Variants in NTS observed in about 807,000 individuals in gnomAD.
NTS encodes the protein neurotensin, also known as neurotensin/neuromedin N.
In NTS, 20 loss-of-function variants were observed where a neutral mutation model predicts 19.5. That is an observed-to-expected ratio of 1.02 (90% CI 0.72 to 1.49). NTS has a LOEUF of 1.49. Among genes scored for constraint, NTS ranks in the 40% most tolerant of loss-of-function variants. The pLI is 0.00. For missense variants in NTS, 215 were observed against 193.1 expected, an observed-to-expected ratio of 1.11 and a Z score of -0.67; for synonymous variants, 71 against 63.3, an observed-to-expected ratio of 1.12 and a Z score of -0.58.
intron 1 of NTS, among the ~76,000 whole-genome samples, chr12:85,875,793 A>T (rs1401471282): frequency 6.6e-6 from 1 of 152,016 alleles, no homozygotes; most frequent in African/African-American, 2.4e-5. Context: ...GATCTCTTGT[A>T]TAATTTAGGT....
chr12:85,882,847 T>G lies in NTS; in HGVS notation c.*472T>G, dbSNP rs1422761818. The G allele has an allele frequency of 1.3e-5, 2 of 152,084 alleles. No individual in the cohort carries two copies. Among genetic ancestry groups the G allele is most frequent in the African/African-American group, 4.8e-5 (2 of 41,444 alleles). 9.4% of individuals were successfully genotyped at this position (152,084 alleles called of 1,614,324 possible). Reference sequence around the variant, plus strand: ...ATGAATCTCTCAATTATAGGAAAAGTTATTGTGATAAAATAGGAACAGCTG... The same window carrying G: ...ATGAATCTCTCAATTATAGGAAAAGGTATTGTGATAAAATAGGAACAGCTG... On this transcript the variant is annotated 3_prime_UTR_variant, in exon 4 of 4. Coordinates refer to ENST00000256010, the MANE Select transcript of NTS (RefSeq NM_006183.5).
At chr12:85,881,044 A>T (rs1477367205) in intron 3 of NTS, among the ~76,000 whole-genome samples, 1 of 152,172 alleles carries the variant, frequency 6.6e-6, no homozygotes, top group Non-Finnish European at 1.5e-5. Context: ...TTATCCAAAA[A>T]AACCTCAGTA....
chr12:85,881,148 G>C (rs1054750524), intron 3 of NTS, among the ~76,000 whole-genome samples: 1 of 151,938 alleles, frequency 6.6e-6, no homozygotes, highest in Non-Finnish European at 1.5e-5. Flanking sequence ...GATAATTTCT[G>C]AGCATAGTAC....
chr12:85,875,593 G>T (rs1458216009), intron 1 of NTS, among the ~76,000 whole-genome samples: 2 of 151,852 alleles, frequency 1.3e-5, no homozygotes, highest in Admixed American at 6.6e-5. Flanking sequence ...CTATAATTAT[G>T]ATTTTATCTG....
rs1565770745 is a variant in NTS at position 85,879,264 on chromosome 12, G to GTACGTAAAATATATTTATATA, written c.360+697_360+698insCGTAAAATATATTTATATATA. On this transcript the variant is annotated intron_variant, in intron 3 of 3. Coordinates refer to ENST00000256010, the MANE Select transcript of NTS (RefSeq NM_006183.5). ...TAAAATATATTATACATAATTTTATGTATATTTTATGTATATACCATATAT... is the reference window on the plus strand; with the variant it reads ...TAAAATATATTATACATAATTTTATGTACGTAAAATATATTTATATATATATTTTATGTATATACCATATAT... Among the ~76,000 whole-genome samples the GTACGTAAAATATATTTATATA allele has an allele frequency of 2.9e-3, 11 of 3,844 alleles. 5 individuals are homozygous for GTACGTAAAATATATTTATATA. Among genetic ancestry groups the GTACGTAAAATATATTTATATA allele is most frequent in the South Asian group, 0.02 (2 of 102 alleles). 2.5% of individuals were successfully genotyped at this position (3,844 alleles called of 152,430 possible). A position where few individuals can be genotyped will look rare whatever the true frequency, so the allele number is the denominator to read the frequency against.
At chr12:85,877,780 C>T (rs961726216) in intron 2 of NTS, among the ~76,000 whole-genome samples, 6 of 151,926 alleles carry the variant, frequency 3.9e-5, no homozygotes, top group South Asian at 2.1e-4. Context: ...GTTAATAGTC[C>T]GTGTTAGAAA....
chr12:85,874,382 TG>T lies in NTS; in HGVS notation c.-20del. The T allele has an allele frequency of 1.9e-6, 3 of 1,600,450 alleles. No individual in the cohort carries two copies. The highest frequency in any genetic ancestry group is 2.6e-6 in the Non-Finnish European group (3 of 1,167,670). On this transcript the variant is annotated 5_prime_UTR_variant, in exon 1 of 4. Coordinates refer to ENST00000256010, the MANE Select transcript of NTS (RefSeq NM_006183.5). Reference sequence around the variant, plus strand: ...AGTGTGCTTCTGACTTTTACGGACTTGGCTTGTTAGAAGGCTGAAAGATGAT... The same window carrying T: ...AGTGTGCTTCTGACTTTTACGGACTTGCTTGTTAGAAGGCTGAAAGATGAT...
intron 3 of NTS, among the ~76,000 whole-genome samples, chr12:85,880,680 C>T (rs1020104825): frequency 2.8e-4 from 43 of 152,148 alleles, no homozygotes; most frequent in Non-Finnish European, 8.8e-5. Context: ...TGGCCAGGCA[C>T]GGTGGCTCAC....
intron 3 of NTS, among the ~76,000 whole-genome samples, chr12:85,879,034 ATTTTTAT>A (rs1881413144): frequency 7.1e-6 from 1 of 140,226 alleles, no homozygotes; most frequent in Non-Finnish European, 1.6e-5. Flanking sequence ...ATAAAAATAT[ATTTTTAT>A]GTACATAAAA....
intron 1 of NTS, among the ~76,000 whole-genome samples, chr12:85,875,498 A>G (rs970639722): frequency 1.3e-5 from 2 of 152,148 alleles, no homozygotes; most frequent in Non-Finnish European, 2.9e-5. Context: ...AATGTGATTT[A>G]TACAAAATTT....
intron 3 of NTS, among the ~76,000 whole-genome samples, chr12:85,879,185 T>TTTA (rs1881422919): frequency 1.6e-3 from 1 of 644 alleles, no homozygotes; most frequent in East Asian, 0.17. Context: ...GTAAAATATA[T>TTTA]TTTTATGTAT....
chr12:85,879,174 C>T (rs972479110), intron 3 of NTS, among the ~76,000 whole-genome samples: 11 of 127,024 alleles, frequency 8.7e-5, no homozygotes, highest in African/African-American at 2.0e-4. Flanking sequence ...ATTTTATGTA[C>T]GTAAAATATA....
At chr12:85,878,248 AT>A in intron 2 of NTS, 96 bp from the exon 3 acceptor site, 1 of 824,376 alleles carries the variant, frequency 1.2e-6, no homozygotes, top group Non-Finnish European at 1.9e-6. Context: ...TGGAGTAGCA[AT>A]TAGACCCTAA....
At position 85,878,377 on chromosome 12, in the gene NTS, G is replaced by T. The variant is rs960866607; in HGVS notation, c.168G>T (p.Met56Ile). 1 of 1,609,862 alleles carries T rather than the reference G, an allele frequency of 6.2e-7. No individual in the cohort carries two copies. The highest frequency in any genetic ancestry group is 2.2e-5 in the East Asian group (1 of 44,758). ...AAGCACATGTTCCCTCTTGGAAGAT[G>T]ACTCTGCTAAATGTTTGCAGTCTTG... Reference protein sequence around the residue: ...ISKAHVPSWKMTLLNVCSLVN... With the variant: ...ISKAHVPSWKITLLNVCSLVN... Residue 56 changes from methionine to isoleucine, a missense_variant, in exon 3 of 4, where the codon ATG becomes ATT. Physicochemically the swap from Met to Ile is conservative, Grantham distance 10. Transcript: ENST00000256010.
chr12:85,881,341 C>A (rs912285293), intron 3 of NTS, among the ~76,000 whole-genome samples: 8 of 152,014 alleles, frequency 5.3e-5, no homozygotes, highest in African/African-American at 1.9e-4. Context: ...GTTATAGTGA[C>A]CCCTCAAATT....
At chr12:85,875,220 T>C (rs1399269203) in intron 1 of NTS, among the ~76,000 whole-genome samples, 1 of 152,122 alleles carries the variant, frequency 6.6e-6, no homozygotes, top group Admixed American at 6.6e-5. Context: ...GTCCTAAGTA[T>C]CTACGAATAA....
At position 85,874,443 on chromosome 12, in the gene NTS, C is replaced by T. The variant is rs1428153620; in HGVS notation, c.40C>T (p.Leu14Phe). Residue 14 changes from leucine (L) to phenylalanine (F), a missense_variant, in exon 1 of 4, where the codon CTC (leucine) becomes TTC (phenylalanine). Coordinates refer to ENST00000256010, the MANE Select transcript of NTS (RefSeq NM_006183.5). ...GAAAATCCAGCTTGTATGCATGCTA[C>T]TCCTGGCTTTCAGCTCCTGGAGTCT... The part of the protein sequence containing the change: ...GMKIQLVCML[L>F]LAFSSWSLCS... The T allele has an allele frequency of 1.2e-6, 2 of 1,613,528 alleles. No individual in the cohort carries two copies. Among genetic ancestry groups the T allele is most frequent in the Admixed American group, 3.3e-5 (2 of 60,010 alleles).
At chr12:85,875,947 C>T (rs1018181964) in intron 1 of NTS, among the ~76,000 whole-genome samples, 1 of 151,870 alleles carries the variant, frequency 6.6e-6, no homozygotes, top group Non-Finnish European at 1.5e-5. Context: ...GTAAAATATT[C>T]ATTAACAGAA....
Position 85,882,258 on chromosome 12 carries a change from C to CA in NTS, c.401dup (p.Asn134LysfsTer21). 1.2e-6 allele frequency: 2 copies of CA among 1,602,826 alleles called. No individual in the cohort carries two copies. The highest frequency in any genetic ancestry group is 8.5e-7 in the Non-Finnish European group (1 of 1,175,714). On this transcript the variant is annotated frameshift_variant, in exon 4 of 4. Transcript: ENST00000256010. LOFTEE classifies it high-confidence loss of function. ...AAGATATTCTTGATACTGGAAATGA[C>CA]AAAAATGGAAAGGAAGAAGTCATAA...
Sources: gnomAD v4.1 joint callset for allele counts (sites outside exome capture counted in the v4.1 genomes callset) on GRCh38, gnomAD v4.1.1 for gene constraint, MANE v1.5 for transcripts, NCBI Gene and HGNC (gene_info 2026-07-23, HGNC 2026-07-21) for gene names.